Variants in SLC36A1 observed in about 807,000 individuals in gnomAD.
SLC36A1 encodes proton-coupled amino acid transporter 1.
SLC36A1 carries 30 observed loss-of-function variants against 47.5 expected under a neutral mutation model. The ratio of observed to expected loss-of-function variants is 0.63; its 90% confidence interval spans 0.47 to 0.86. The LOEUF is 0.86. SLC36A1 is among the 40% of genes least tolerant of loss of function. The pLI, the probability that SLC36A1 is intolerant of heterozygous loss-of-function variation, is 0.00. For missense variants in SLC36A1, 517 were observed against 606.0 expected (o/e 0.85, Z 1.54); for synonymous variants, 255 against 249.7 (o/e 1.02, Z -0.20).
intron 2 of SLC36A1, among the ~76,000 whole-genome samples, chr5:151,463,064 C>T (rs753365493): frequency 3.3e-5 from 5 of 152,082 alleles, no homozygotes; most frequent in Non-Finnish European, 5.9e-5. Context: ...TTAGTAGAGA[C>T]GGGGTTTCGC....
At chr5:151,405,766 G>A in the SLC36A1 span, among the ~76,000 whole-genome samples, 3 of 151,944 alleles carry the variant, frequency 2.0e-5, no homozygotes, top group African/African-American at 4.8e-5. Context: ...TACTTTTGGG[G>A]GTTTGACTGT....
the SLC36A1 span, among the ~76,000 whole-genome samples, chr5:151,388,238 A>T: frequency 6.6e-6 from 1 of 152,260 alleles, no homozygotes; most frequent in East Asian, 1.9e-4. Flanking sequence ...GCGGTGGCTC[A>T]TGGCTGTAAT....
Position 151,474,159 on chromosome 5 carries a change from C to CAAAAAAAAAAAAAAAAAAA in SLC36A1, c.822+390_822+408dup, listed in dbSNP as rs1156305401. Among the ~76,000 whole-genome samples, 27 of 59,928 alleles carry CAAAAAAAAAAAAAAAAAAA rather than the reference C, an allele frequency of 4.5e-4. 3 individuals carry two copies. The highest frequency in any genetic ancestry group is 2.2e-3 in the African/African-American group (26 of 11,976). 39.3% of individuals were successfully genotyped at this position (59,928 alleles called of 152,430 possible). ...TGGGTGACAGAGCGAGACTCTGTCT[C>CAAAAAAAAAAAAAAAAAAA]AAAAAAAAAAAAAAAAAAAAGAAAT... is the stretch of plus-strand genomic sequence containing the variant. On this transcript the variant is annotated intron_variant, in intron 8 of 10. Coordinates refer to ENST00000243389, the MANE Select transcript of SLC36A1 (RefSeq NM_078483.4).
intron 10 of SLC36A1, among the ~76,000 whole-genome samples, chr5:151,487,177 C>A (rs755603805): frequency 6.6e-6 from 1 of 152,226 alleles, no homozygotes; most frequent in Non-Finnish European, 1.5e-5. Context: ...GTGGAAAGAT[C>A]GGTGAGATGG....
chr5:151,542,685 G>A, the SLC36A1 span: 1 of 1,614,192 alleles, frequency 6.2e-7, no homozygotes, highest in Non-Finnish European at 8.5e-7. Flanking sequence ...GAATGACTGA[G>A]GTCCCCACTG....
At chr5:151,434,447 G>A (rs1759650746), upstream of SLC36A1, among the ~76,000 whole-genome samples, 1 of 151,968 alleles carries the variant, frequency 6.6e-6, no homozygotes, top group Non-Finnish European at 1.5e-5. Context: ...GAAATGGATG[G>A]GCTTGATAGG....
At chr5:151,538,556 A>G in the SLC36A1 span, among the ~76,000 whole-genome samples, 1 of 152,194 alleles carries the variant, frequency 6.6e-6, no homozygotes, top group South Asian at 2.1e-4. Context: ...GAGCTCCCTG[A>G]GAATTCAATT....
At chr5:151,458,505 G>A (rs534185817) in intron 1 of SLC36A1, among the ~76,000 whole-genome samples, 130 of 152,034 alleles carry the variant, frequency 8.6e-4, no homozygotes, top group Non-Finnish European at 1.5e-3. Flanking sequence ...CCTCACTTCT[G>A]CCTTGTCTAG....
downstream of SLC36A1, among the ~76,000 whole-genome samples, chr5:151,493,961 C>A (rs1760268300): frequency 6.6e-6 from 1 of 152,170 alleles, no homozygotes; most frequent in Non-Finnish European, 1.5e-5. Context: ...GGCTGTCCAT[C>A]CATGCACTGA....
intron 10 of SLC36A1, among the ~76,000 whole-genome samples, chr5:151,482,981 G>A: frequency 6.6e-6 from 1 of 152,104 alleles, no homozygotes; most frequent in Non-Finnish European, 1.5e-5. Context: ...AGCTTGCAGT[G>A]AGCCAAGATC....
the SLC36A1 span, among the ~76,000 whole-genome samples, chr5:151,358,299 G>T: frequency 1.4e-3 from 218 of 151,952 alleles, 7 homozygotes; most frequent in South Asian, 0.042. Context: ...GTTGAGACAG[G>T]GTCCTATTCT....
At chr5:151,452,869 C>CAAAAAAAAAAAAAAAAAAAAAA (rs543863050) in intron 1 of SLC36A1, among the ~76,000 whole-genome samples, 1 of 107,136 alleles carries the variant, frequency 9.3e-6, no homozygotes, top group African/African-American at 3.3e-5. Flanking sequence ...GACACCATCT[C>CAAAAAAAAAAAAAAAAAAAAAA]AAAAAAAAAA....
At chr5:151,484,614 A>G (rs1759269963) in intron 10 of SLC36A1, among the ~76,000 whole-genome samples, 1 of 152,224 alleles carries the variant, frequency 6.6e-6, no homozygotes, top group Admixed American at 6.5e-5. Flanking sequence ...AAACGAATGA[A>G]CTGAGGCTCA....
At chr5:151,523,187 G>A in the SLC36A1 span, among the ~76,000 whole-genome samples, 4 of 152,036 alleles carry the variant, frequency 2.6e-5, no homozygotes, top group Non-Finnish European at 5.9e-5. Flanking sequence ...GCATAACACC[G>A]AAGAGATATT....
At chr5:151,486,026 G>T (rs1759471691) in intron 10 of SLC36A1, among the ~76,000 whole-genome samples, 1 of 152,192 alleles carries the variant, frequency 6.6e-6, no homozygotes, top group Non-Finnish European at 1.5e-5. Flanking sequence ...TAGTCCATTT[G>T]CGTTGTTATA....
At chr5:151,505,436 A>G in the SLC36A1 span, 1 of 1,128,950 alleles carries the variant, frequency 8.9e-7, no homozygotes, top group Non-Finnish European at 1.3e-6. Context: ...ATTTCAAGGG[A>G]CAACAGCCTG....
chr5:151,530,777 G>A, the SLC36A1 span, among the ~76,000 whole-genome samples: 22,425 of 152,240 alleles, frequency 0.15, 2,131 homozygotes, highest in Non-Finnish European at 0.2. Flanking sequence ...AGTGTCTGCG[G>A]TTGGATGGAT....
the SLC36A1 span, chr5:151,511,245 G>A: frequency 6.6e-6 from 1 of 152,180 alleles, no homozygotes; most frequent in Non-Finnish European, 1.5e-5. Context: ...AGAAAAAGGG[G>A]TAATGCGAAG....
the SLC36A1 span, among the ~76,000 whole-genome samples, chr5:151,360,371 A>C: frequency 0.37 from 56,246 of 152,010 alleles, 10,545 homozygotes; most frequent in South Asian, 0.43. Flanking sequence ...GAAAAAAGAA[A>C]ATGTTACTAA....
Sources: allele counts gnomAD v4.1 joint callset (sites outside exome capture counted in the v4.1 genomes callset), GRCh38; gene constraint gnomAD v4.1.1; transcripts MANE v1.5; gene names NCBI Gene and HGNC (gene_info 2026-07-23, HGNC 2026-07-21).